The following HMGN5 variants were observed in gnomAD, a reference collection of about 807,000 sequenced individuals.
HMGN5 encodes high mobility group nucleosome binding domain 5.
A neutral mutation model predicts 9.5 loss-of-function variants in HMGN5; 4 were observed. That is an observed-to-expected ratio of 0.42 (90% confidence interval 0.21 to 0.96). The LOEUF (loss-of-function observed/expected upper bound fraction) is 0.96, where lower values mean the gene tolerates loss of function less well. Ranked by LOEUF, HMGN5 falls within the 40% of genes least tolerant of loss-of-function variation. The pLI, the probability that HMGN5 is intolerant of heterozygous loss-of-function variation, is 0.30. For synonymous variants in HMGN5, 55 were observed against 57.1 expected, an observed-to-expected ratio of 0.96 and a Z score of 0.16; for missense variants, 192 against 187.5, an observed-to-expected ratio of 1.02 and a Z score of -0.14.
chrX:81,194,502 A>G (rs2075502390), intron 1 of HMGN5, among the ~76,000 whole-genome samples: 1 of 112,105 alleles, frequency 8.9e-6, no homozygotes, highest in Non-Finnish European at 1.9e-5. Context: ...GAAAAGATGC[A>G]CAACTTCTTA....
In HMGN5 at chrX:81,144,272, G is replaced by A. The variant is rs1218903228; in HGVS notation, c.-123-22600C>T. 2.7e-5 allele frequency among the ~76,000 whole-genome samples: 3 copies of A among 111,313 alleles called. No individual in the cohort carries two copies. In the East Asian group the frequency reaches 8.6e-4, roughly 32 times the overall value. ...AGCTCTCACTGGCATCTGGCAGGTG[G>A]CCTCCAGGACGAAGCTTCCAGAGGA... On this transcript the variant is annotated intron_variant, in intron 1 of 6. Coordinates refer to ENST00000358130, the MANE Select transcript of HMGN5 (RefSeq NM_030763.3).
At chrX:81,149,800 CAA>C (rs1358771246) in intron 1 of HMGN5, among the ~76,000 whole-genome samples, 1 of 111,843 alleles carries the variant, frequency 8.9e-6, no homozygotes, top group Non-Finnish European at 1.9e-5. Flanking sequence ...AAAACTATAA[CAA>C]GAGACAAAGA....
intron 1 of HMGN5, among the ~76,000 whole-genome samples, chrX:81,193,199 A>T (rs1205760639): frequency 9.0e-6 from 1 of 111,677 alleles, no homozygotes; most frequent in East Asian, 2.8e-4. Context: ...GTCATAAAAG[A>T]TGATCTAGTT....
At chrX:81,194,297 A>G (rs950885656) in intron 1 of HMGN5, among the ~76,000 whole-genome samples, 3 of 111,312 alleles carry the variant, frequency 2.7e-5, no homozygotes, top group African/African-American at 9.8e-5. Context: ...AAAAGCATTA[A>G]CCATAAAGAA....
intron 1 of HMGN5, among the ~76,000 whole-genome samples, chrX:81,185,476 C>A (rs1470208776): frequency 8.9e-6 from 1 of 111,872 alleles, no homozygotes; most frequent in Non-Finnish European, 1.9e-5. Flanking sequence ...TATCCTGCAA[C>A]TTTACTGAAT....
chrX:81,114,905 T>C lies in HMGN5; in HGVS notation c.593A>G (p.Glu198Gly). The stretch of plus-strand genomic sequence containing the variant: ...TCCTGTTTCTTTTCTGTCTTCTTCC[T>C]CTTTTTCATCTTCTCCTTTCTCTTT... ...DGKEKGEDEK[E>G]EEDRKETGDG... Residue 198 changes from glutamate (E) to glycine (G), a missense_variant, in exon 7 of 7, where the codon GAG (glutamate) becomes GGG (glycine). Transcript: ENST00000358130. 8.6e-7 allele frequency: 1 copy of C among 1,163,836 alleles called. No individual in the cohort carries two copies. The highest frequency in any genetic ancestry group is 3.3e-5 in the East Asian group (1 of 30,650).
chrX:81,150,867 C>T (rs187736649), intron 1 of HMGN5, among the ~76,000 whole-genome samples: 1 of 111,499 alleles, frequency 9.0e-6, no homozygotes, highest in East Asian at 2.8e-4. Context: ...ATTGGAAAAT[C>T]TAGAAGAAAT....
chrX:81,153,855 A>G (rs1361564962), intron 1 of HMGN5, among the ~76,000 whole-genome samples: 2 of 105,102 alleles, frequency 1.9e-5, no homozygotes, highest in Non-Finnish European at 3.9e-5. Context: ...AATGAAAACT[A>G]TAAAACAAGA....
At chrX:81,150,250 A>G (rs796189441) in intron 1 of HMGN5, among the ~76,000 whole-genome samples, 1 of 111,949 alleles carries the variant, frequency 8.9e-6, no homozygotes, top group South Asian at 3.7e-4. Context: ...AATCCATAAC[A>G]TAAGGAATTT....
At chrX:81,145,173 G>C (rs1391217779) in intron 1 of HMGN5, among the ~76,000 whole-genome samples, 2 of 111,500 alleles carry the variant, frequency 1.8e-5, no homozygotes, top group Non-Finnish European at 3.8e-5. Flanking sequence ...TCCTCAAGAA[G>C]AGCAACCCCA....
chrX:81,147,748 A>C (rs1052900420), intron 1 of HMGN5, among the ~76,000 whole-genome samples: 2 of 112,204 alleles, frequency 1.8e-5, no homozygotes, highest in Admixed American at 9.5e-5. Context: ...GTCTCAGCCC[A>C]AAATCTCCTT....
chrX:81,186,009 C>A (rs886954330), intron 1 of HMGN5, among the ~76,000 whole-genome samples: 2 of 111,608 alleles, frequency 1.8e-5, no homozygotes, highest in Admixed American at 1.9e-4. Context: ...TGATTGAATT[C>A]AGTTTGGAAG....
intron 1 of HMGN5, among the ~76,000 whole-genome samples, chrX:81,159,721 A>G (rs949785417): frequency 1.8e-5 from 2 of 109,746 alleles, no homozygotes; most frequent in Admixed American, 9.7e-5. Context: ...GTGTCTCACT[A>G]TGTTGTCCAG....
At chrX:81,167,046 T>C (rs2075413084) in intron 1 of HMGN5, among the ~76,000 whole-genome samples, 1 of 111,499 alleles carries the variant, frequency 9.0e-6, no homozygotes, top group African/African-American at 3.3e-5. Context: ...CTGAGTATCA[T>C]TTTAAGGCTT....
At chrX:81,116,648 T>G (rs1244083972) in intron 5 of HMGN5, among the ~76,000 whole-genome samples, 1 of 111,954 alleles carries the variant, frequency 8.9e-6, no homozygotes, top group Non-Finnish European at 1.9e-5. Context: ...AAGGACAAAC[T>G]GCTGGCATCA....
rs146724717 is a variant in HMGN5, at chrX:81,160,505, A to T, written c.-123-38833T>A. ...CCACATTGATTACCTATTTTTCCTA[A>T]TGCTCTCCTTCCCCTTGCCCCTCAC... is the stretch of plus-strand genomic sequence containing the variant. On this transcript the variant is annotated intron_variant, in intron 1 of 6. Transcript: ENST00000358130. 8.2e-5 allele frequency among the ~76,000 whole-genome samples: 9 copies of T among 110,349 alleles called. No individual in the cohort carries two copies. The East Asian group carries it at 2.0e-3, about 25-fold the overall frequency.
intron 1 of HMGN5, among the ~76,000 whole-genome samples, chrX:81,148,616 C>A (rs2075352284): frequency 9.0e-6 from 1 of 111,441 alleles, no homozygotes; most frequent in South Asian, 3.7e-4. Context: ...GCAACAAAAG[C>A]CAAAATTGAC....
At chrX:81,144,282 C>A (rs773732622) in intron 1 of HMGN5, among the ~76,000 whole-genome samples, 5 of 111,427 alleles carry the variant, frequency 4.5e-5, no homozygotes, top group African/African-American at 1.3e-4. Flanking sequence ...GCCTCCAGGA[C>A]GAAGCTTCCA....
Position 81,118,464 on chromosome X carries a change from C to G in HMGN5, c.97G>C (p.Glu33Gln), listed in dbSNP as rs2075260182. 1 of 1,173,584 alleles carries G rather than the reference C, an allele frequency of 8.5e-7. No homozygotes were observed. Among genetic ancestry groups the G allele is most frequent in the East Asian group, 3.0e-5 (1 of 33,228 alleles). Residue 33 changes from glutamate to glutamine, a missense_variant, in exon 5 of 7, where the codon GAG becomes CAG. Physicochemically the swap from Glu to Gln is conservative, Grantham distance 29. Coordinates refer to ENST00000358130, the MANE Select transcript of HMGN5 (RefSeq NM_030763.3). ...CTTGATGTTCTTTTAGGCTTCACCTCTGGTGTAACTGGCACAAGCATCTGC... is the reference window on the plus strand; with the variant it reads ...CTTGATGTTCTTTTAGGCTTCACCTGTGGTGTAACTGGCACAAGCATCTGC... ...LSAMLVPVTP[E>Q]VKPKRTSSSR...
Sources: allele counts gnomAD v4.1 joint callset (sites outside exome capture counted in the v4.1 genomes callset), GRCh38; gene constraint gnomAD v4.1.1; transcripts MANE v1.5; gene names NCBI Gene and HGNC (gene_info 2026-07-23, HGNC 2026-07-21).